Variants in ZMYND8 observed in about 807,000 individuals in gnomAD.
ZMYND8 encodes MYND-type zinc finger-containing chromatin reader ZMYND8.
A neutral mutation model predicts 140.8 loss-of-function variants in ZMYND8; 37 were observed. That is an observed-to-expected ratio of 0.26 (90% CI 0.20 to 0.35). The LOEUF (loss-of-function observed/expected upper bound fraction) is 0.35, where lower values mean the gene tolerates loss of function less well. Among genes scored for constraint, ZMYND8 ranks in the 10% least tolerant of loss-of-function variants. ZMYND8 has a pLI of 1.00. For synonymous variants in ZMYND8, 592 were observed against 597.1 expected (o/e 0.99, Z 0.12); for missense variants, 1,068 against 1,570.0 (o/e 0.68, Z 5.40).
rs536345084 is a variant in ZMYND8 at position 47,334,887 on chromosome 20, G to C, written c.85+12969C>G. Among the ~76,000 whole-genome samples, 194 of 151,808 alleles carry C rather than the reference G, an allele frequency of 1.3e-3. 3 individuals are homozygous for C. The highest frequency in any genetic ancestry group is 4.6e-3 in the African/African-American group (190 of 41,462). ...GGCCTCCCAAAGTGCTGGGATTACA[G>C]GCGTCAGCCACCACACCCGGTCTCC... is the stretch of plus-strand genomic sequence containing the variant. On this transcript the variant is annotated intron_variant, in intron 2 of 22. Transcript: ENST00000471951.
At chr20:47,317,056 C>T (rs2079461428) in intron 2 of ZMYND8, among the ~76,000 whole-genome samples, 1 of 152,126 alleles carries the variant, frequency 6.6e-6, no homozygotes, top group South Asian at 2.1e-4. Flanking sequence ...AGGAGGGCCT[C>T]ATCCTCAGCC....
chr20:47,237,184 C>T (rs560680637), intron 15 of ZMYND8: 30 of 151,856 alleles, frequency 2.0e-4, no homozygotes, highest in African/African-American at 7.0e-4. Flanking sequence ...ACTCTGTCGC[C>T]CAGGCTGGAG....
chr20:47,319,507 G>A lies in ZMYND8; in HGVS notation c.86-9303C>T, dbSNP rs535350946. The A allele has an allele frequency of 8.9e-5, 16 of 180,354 alleles. No homozygotes were observed. The East Asian group carries it at 2.3e-3, about 26-fold the overall frequency. The allele number at this position is 180,354 out of a possible 1,614,324, so 11.2% of individuals were successfully genotyped here. ...AGAAAACCCATCTTTTATACTTGAG[G>A]TATAATCCTTTCCCACTAGACACAG... On this transcript the variant is annotated intron_variant, in intron 2 of 22. Transcript: ENST00000471951.
chr20:47,263,135 TA>T (rs1310931470), intron 11 of ZMYND8, among the ~76,000 whole-genome samples: 1 of 152,138 alleles, frequency 6.6e-6, no homozygotes, highest in Non-Finnish European at 1.5e-5. Flanking sequence ...CACTTACGTT[TA>T]AAAAAGCAAG....
At chr20:47,265,026 G>T (rs1274587674) in intron 11 of ZMYND8, among the ~76,000 whole-genome samples, 2 of 119,818 alleles carry the variant, frequency 1.7e-5, no homozygotes, top group Non-Finnish European at 1.9e-5. Context: ...CACAGAGAGA[G>T]ACCCTGTCCC....
At chr20:47,244,054 C>T (rs961467737) in intron 14 of ZMYND8, among the ~76,000 whole-genome samples, 3 of 152,222 alleles carry the variant, frequency 2.0e-5, no homozygotes, top group African/African-American at 7.2e-5. Context: ...TTTAGCTGAA[C>T]TGCAGGAATC....
chr20:47,267,286 G>A (rs1167248980), intron 11 of ZMYND8, among the ~76,000 whole-genome samples: 1 of 152,118 alleles, frequency 6.6e-6, no homozygotes, highest in East Asian at 1.9e-4. Flanking sequence ...GGGAGTGGCT[G>A]TTTGGTGGGT....
At position 47,355,604 on chromosome 20, in the gene ZMYND8, G is replaced by T. The variant is rs894789672; in HGVS notation, c.14+1053C>A. 4 of 583,210 alleles carry T rather than the reference G, an allele frequency of 6.9e-6. No homozygotes were observed. The African/African-American group carries it at 8.1e-5, about 12-fold the overall frequency. 36.1% of individuals were successfully genotyped at this position (583,210 alleles called of 1,614,324 possible). A position where few individuals can be genotyped will look rare whatever the true frequency, so the allele number is the denominator to read the frequency against. ...ACAACAACAACACAACCCAACAACT[G>T]AATATGGAATGCTGTCATGAGCCAC... On this transcript the variant is annotated intron_variant, in intron 1 of 22. Transcript: ENST00000471951.
chr20:47,351,439 G>A (rs1198579347), intron 1 of ZMYND8, among the ~76,000 whole-genome samples: 1 of 152,154 alleles, frequency 6.6e-6, no homozygotes, highest in Non-Finnish European at 1.5e-5. Flanking sequence ...ACAAGACTCT[G>A]GTTCTACAGA....
chr20:47,296,613 C>T (rs2077650626), intron 4 of ZMYND8, among the ~76,000 whole-genome samples: 1 of 152,126 alleles, frequency 6.6e-6, no homozygotes, highest in South Asian at 2.1e-4. Context: ...ATAATAAATC[C>T]ACATTGTTTC....
chr20:47,277,591 G>T (rs898219399), intron 10 of ZMYND8, among the ~76,000 whole-genome samples: 1 of 152,182 alleles, frequency 6.6e-6, no homozygotes, highest in Non-Finnish European at 1.5e-5. Flanking sequence ...AAAAACTGGC[G>T]AGAATAAGCT....
At chr20:47,290,047 C>T in intron 7 of ZMYND8, 140 bp downstream of exon 7, 1 of 709,060 alleles carries the variant, frequency 1.4e-6, no homozygotes, top group Non-Finnish European at 2.1e-6. Flanking sequence ...TTGGTCACTG[C>T]CTCCTATTCA....
chr20:47,305,853 A>T (rs187049117), intron 3 of ZMYND8, among the ~76,000 whole-genome samples: 1 of 152,276 alleles, frequency 6.6e-6, no homozygotes, highest in Admixed American at 6.5e-5. Flanking sequence ...AGAACTAAAG[A>T]GCAGAGTGGT....
At chr20:47,327,900 G>A (rs1251742787) in intron 2 of ZMYND8, among the ~76,000 whole-genome samples, 1 of 152,094 alleles carries the variant, frequency 6.6e-6, no homozygotes, top group Non-Finnish European at 1.5e-5. Flanking sequence ...CTGCAGCCTT[G>A]ACCTCCTGGG....
intron 4 of ZMYND8, among the ~76,000 whole-genome samples, chr20:47,297,588 A>AT (rs902041292): frequency 1.2e-4 from 17 of 145,148 alleles, no homozygotes; most frequent in African/African-American, 3.8e-4. Flanking sequence ...TGCCCAGCTA[A>AT]TTTCTTTAAA....
At chr20:47,343,222 C>G (rs541277673) in intron 2 of ZMYND8, among the ~76,000 whole-genome samples, 240 of 152,124 alleles carry the variant, frequency 1.6e-3, no homozygotes, top group Middle Eastern at 3.4e-3. Context: ...CAGGTCAAGG[C>G]TGCAATGAGC....
intron 3 of ZMYND8, among the ~76,000 whole-genome samples, chr20:47,304,467 A>T (rs540658674): frequency 6.6e-6 from 1 of 152,232 alleles, no homozygotes; most frequent in African/African-American, 2.4e-5. Flanking sequence ...AAAACTCTAT[A>T]AACACAGGCT....
At chr20:47,228,091 CAA>C (rs11295350) in intron 17 of ZMYND8, among the ~76,000 whole-genome samples, 10,681 of 111,886 alleles carry the variant, frequency 0.095, 591 homozygotes, top group South Asian at 0.22. Context: ...AGACTCTTCT[CAA>C]AAAAAAAAAA....
chr20:47,355,607 T>C lies in ZMYND8; in HGVS notation c.14+1050A>G, dbSNP rs1479766000. The C allele has an allele frequency of 8.8e-6, 5 of 565,958 alleles. No individual in the cohort carries two copies. In the African/African-American group the frequency reaches 1.0e-4, roughly 12 times the overall value. The allele number at this position is 565,958 out of a possible 1,614,324, so 35.1% of individuals were successfully genotyped here. On this transcript the variant is annotated intron_variant, in intron 1 of 22. Transcript: ENST00000471951. ...ACAACAACACAACCCAACAACTGAA[T>C]ATGGAATGCTGTCATGAGCCACAGA...
Sources: gnomAD v4.1 joint callset for allele counts (sites outside exome capture counted in the v4.1 genomes callset) on GRCh38, gnomAD v4.1.1 for gene constraint, MANE v1.5 for transcripts, NCBI Gene and HGNC (gene_info 2026-07-23, HGNC 2026-07-21) for gene names.